BIN2: variants seen among roughly 807,000 people sequenced by gnomAD.
BIN2 encodes the protein breast cancer associated protein BRAP1.
BIN2 carries 43 observed loss-of-function variants against 67.9 expected under a neutral mutation model. That is an observed-to-expected ratio of 0.63 (90% CI 0.50 to 0.82). The LOEUF (loss-of-function observed/expected upper bound fraction) is 0.82. BIN2 is among the 40% of genes least tolerant of loss of function. BIN2 has a pLI of 0.00. For synonymous variants in BIN2, 244 were observed against 246.8 expected (o/e 0.99, Z 0.11); for missense variants, 581 against 671.6 (o/e 0.87, Z 1.49).
chr12:51,324,174 T>A lies in BIN2; in HGVS notation c.-72A>T. 1 of 1,585,856 alleles carries A rather than the reference T, an allele frequency of 6.3e-7. No homozygotes were observed. The highest frequency in any genetic ancestry group is 2.3e-5 in the East Asian group (1 of 43,700). ...TTTTCTGAGGCCCCCGAGGAGGAAG[T>A]GCGGGCTCCCGGCATGCCTCGCATC... On this transcript the variant is annotated 5_prime_UTR_variant, in exon 1 of 13. Coordinates refer to ENST00000615107, the MANE Select transcript of BIN2 (RefSeq NM_016293.4).
chr12:51,311,570 G>C (rs115038997), intron 2 of BIN2, among the ~76,000 whole-genome samples: 12 of 151,766 alleles, frequency 7.9e-5, no homozygotes, highest in African/African-American at 2.9e-4. Context: ...TTGTAGAGAC[G>C]GGATCTTGCT....
chr12:51,305,722 T>C (rs1400578937), intron 2 of BIN2, among the ~76,000 whole-genome samples: 2 of 151,134 alleles, frequency 1.3e-5, no homozygotes, highest in East Asian at 3.8e-4. Flanking sequence ...CACTATTTAC[T>C]TAATTTTAGC....
chr12:51,314,821 T>G (rs56869579), intron 1 of BIN2, among the ~76,000 whole-genome samples: 51,510 of 151,038 alleles, frequency 0.34, 9,121 homozygotes, highest in Middle Eastern at 0.43. Context: ...AAGAAAGAAA[T>G]AAGGTATATC....
chr12:51,291,617 T>C lies in BIN2; in HGVS notation c.1489A>G (p.Thr497Ala). 5 of 1,609,730 alleles carry C rather than the reference T, an allele frequency of 3.1e-6. No homozygotes were observed. Among genetic ancestry groups the C allele is most frequent in the Non-Finnish European group, 4.2e-6 (5 of 1,178,680 alleles). Residue 497 changes from threonine to alanine, a missense_variant, in exon 10 of 13, where the codon ACT becomes GCT. Coordinates refer to ENST00000615107, the MANE Select transcript of BIN2 (RefSeq NM_016293.4). The part of the protein sequence containing the change: ...IHNQNPEELC[T>A]SPTLMTSQVA... ...TGAGATGTCATTAAGGTGGGGGAAGTACAAAGTTCTTCAGGGTTCTGATTG... is the reference window on the plus strand; with the variant it reads ...TGAGATGTCATTAAGGTGGGGGAAGCACAAAGTTCTTCAGGGTTCTGATTG...
chr12:51,291,261 A>G (rs1945373729), intron 10 of BIN2, among the ~76,000 whole-genome samples: 1 of 152,234 alleles, frequency 6.6e-6, no homozygotes, highest in South Asian at 2.1e-4. Context: ...AAGGTGTCCA[A>G]GAGTATTCTG....
intron 2 of BIN2, among the ~76,000 whole-genome samples, chr12:51,312,704 A>G (rs988303568): frequency 2.0e-5 from 3 of 152,174 alleles, no homozygotes; most frequent in Admixed American, 2.0e-4. Context: ...CTTTGTACAT[A>G]TTTGAAATAT....
In BIN2 at chr12:51,302,721, A is replaced by G; in HGVS notation, c.277T>C (p.Trp93Arg). 6.2e-7 allele frequency: 1 copy of G among 1,614,088 alleles called. No individual in the cohort carries two copies. Among genetic ancestry groups the G allele is most frequent in the Non-Finnish European group, 8.5e-7 (1 of 1,180,010 alleles). ...ETLQEIYSSEWDGHEELKAIV... is the reference protein window; with the variant it reads ...ETLQEIYSSERDGHEELKAIV... The stretch of plus-strand genomic sequence containing the variant: ...GCCTTCAGCTCCTCATGACCGTCCC[A>G]CTCGCTGCTGTAGATCTCCTGCAGG... Residue 93 changes from tryptophan (W) to arginine (R), a missense_variant, in exon 4 of 13, where the codon TGG becomes CGG. Trp to Arg is a moderately radical substitution (Grantham distance 101). Coordinates refer to ENST00000615107, the MANE Select transcript of BIN2 (RefSeq NM_016293.4).
intron 1 of BIN2, among the ~76,000 whole-genome samples, chr12:51,320,010 G>C (rs1048650938): frequency 6.1e-5 from 9 of 148,348 alleles, no homozygotes; most frequent in African/African-American, 2.3e-4. Context: ...TTTCGAGACA[G>C]AGTCTAGCTC....
At chr12:51,292,626 T>C (rs984423357) in intron 9 of BIN2, among the ~76,000 whole-genome samples, 2 of 152,172 alleles carry the variant, frequency 1.3e-5, no homozygotes, top group African/African-American at 4.8e-5. Flanking sequence ...TAATGGGTGA[T>C]ATACAGTTGA....
chr12:51,299,093 GC>G (rs58649283), intron 7 of BIN2, 109 bp downstream of exon 7: 256,529 of 643,938 alleles, frequency 0.4, 40,428 homozygotes, highest in Non-Finnish European at 0.44. Flanking sequence ...AAAAAAGGGG[GC>G]GGGGCAGTGT....
At chr12:51,289,069 A>T (rs568762179) in intron 10 of BIN2, among the ~76,000 whole-genome samples, 29 of 152,106 alleles carry the variant, frequency 1.9e-4, no homozygotes, top group African/African-American at 6.7e-4. Context: ...ACATCAAGGA[A>T]AGAGAACTAA....
Position 51,306,842 on chromosome 12 carries a change from A to G in BIN2, c.163-3701T>C, listed in dbSNP as rs949569067. On this transcript the variant is annotated intron_variant, in intron 2 of 12. Coordinates refer to ENST00000615107, the MANE Select transcript of BIN2 (RefSeq NM_016293.4). ...TCACTTCCTCCTTGCTTTTTCATTTATAGAAAAAAGCTTAGATAGCCTAAC... is the reference window on the plus strand; with the variant it reads ...TCACTTCCTCCTTGCTTTTTCATTTGTAGAAAAAAGCTTAGATAGCCTAAC... Among the ~76,000 whole-genome samples, 7 of 152,334 alleles carry G rather than the reference A, an allele frequency of 4.6e-5. No individual in the cohort carries two copies. The East Asian group carries it at 1.2e-3, about 25-fold the overall frequency.
intron 1 of BIN2, among the ~76,000 whole-genome samples, chr12:51,316,872 CTATTAT>C (rs997002644): frequency 6.6e-6 from 1 of 151,684 alleles, no homozygotes; most frequent in Non-Finnish European, 1.5e-5. Context: ...ACTACTACTA[CTATTAT>C]TATTATTATT....
chr12:51,293,571 C>T (rs751578328), intron 9 of BIN2, among the ~76,000 whole-genome samples: 8 of 152,266 alleles, frequency 5.3e-5, no homozygotes, highest in Middle Eastern at 3.4e-3. Context: ...CTCGGCCTCC[C>T]AAAGTGCTGG....
chr12:51,298,316 G>A (rs182338091), intron 7 of BIN2, among the ~76,000 whole-genome samples: 148 of 152,254 alleles, frequency 9.7e-4, no homozygotes, highest in African/African-American at 3.5e-3. Context: ...AGGTTGCAGC[G>A]AGCCGAGATT....
intron 11 of BIN2, 87 bp downstream of exon 11, chr12:51,288,021 A>T: frequency 1.0e-6 from 1 of 966,042 alleles, no homozygotes; most frequent in Non-Finnish European, 1.6e-6. Context: ...AAGGCCTCTG[A>T]AAGATATACT....
At chr12:51,294,754 A>G (rs1945490458) in intron 9 of BIN2, among the ~76,000 whole-genome samples, 1 of 152,162 alleles carries the variant, frequency 6.6e-6, no homozygotes, top group Non-Finnish European at 1.5e-5. Flanking sequence ...TAGAAATGAT[A>G]AATACTAAAT....
intron 7 of BIN2, 129 bp downstream of exon 7, chr12:51,299,074 C>CG (rs1245814178): frequency 4.9e-6 from 3 of 608,042 alleles, no homozygotes; most frequent in African/African-American, 4.7e-5. Flanking sequence ...GACCCTGTCT[C>CG]GAAAAAAAAA....
At chr12:51,317,386 G>C (rs1178262217) in intron 1 of BIN2, among the ~76,000 whole-genome samples, 1 of 152,120 alleles carries the variant, frequency 6.6e-6, no homozygotes, top group African/African-American at 2.4e-5. Context: ...AGAGTATAGG[G>C]GCTAGGCGCA....
Sources: gnomAD v4.1 joint callset for allele counts (sites outside exome capture counted in the v4.1 genomes callset) on GRCh38, gnomAD v4.1.1 for gene constraint, MANE v1.5 for transcripts, NCBI Gene and HGNC (gene_info 2026-07-23, HGNC 2026-07-21) for gene names.